Variants in AMPH observed in about 807,000 individuals in gnomAD.
AMPH encodes the protein amphiphysin (Stiff-Mann syndrome with breast cancer 128kD autoantigen).
Under a neutral mutation model 99.1 loss-of-function variants are expected in AMPH, and 49 were observed. The ratio of observed to expected loss-of-function variants is 0.49; its 90% CI spans 0.39 to 0.63. The LOEUF is 0.63. Ranked by LOEUF, AMPH falls within the 20% of genes least tolerant of loss-of-function variation. The pLI is 0.00. For missense variants in AMPH, 759 were observed against 863.4 expected (o/e 0.88, Z 1.52); for synonymous variants, 314 against 317.3 (o/e 0.99, Z 0.11).
Position 38,416,152 on chromosome 7 carries a change from T to C in AMPH, c.1398+1673A>G, listed in dbSNP as rs949248381. 2.9e-5 allele frequency among the ~76,000 whole-genome samples: 4 copies of C among 138,808 alleles called. 1 individual carries two copies. The highest frequency in any genetic ancestry group is 1.1e-4 in the African/African-American group (4 of 37,852). The allele number at this position is 138,808 out of a possible 152,430, so 91.1% of individuals were successfully genotyped here. A position where few individuals can be genotyped will look rare whatever the true frequency, so the allele number is the denominator to read the frequency against. The stretch of plus-strand genomic sequence containing the variant: ...TAGCTATTACATAGTAGGTACTTAA[T>C]AATTGGTGGCCACTAATATTGTCCA... On this transcript the variant is annotated intron_variant, in intron 17 of 20. Transcript: ENST00000356264.
At chr7:38,392,112 G>C in intron 18 of AMPH, 95 bp from the exon 19 acceptor site, 1 of 1,330,828 alleles carries the variant, frequency 7.5e-7, no homozygotes, top group Non-Finnish European at 1.0e-6. Context: ...GCCCAAAGCT[G>C]GGGCTGCCAC....
In AMPH at chr7:38,561,099, G is replaced by A. The variant is rs189334052; in HGVS notation, c.70-26088C>T. On this transcript the variant is annotated intron_variant, in intron 1 of 20. Coordinates refer to ENST00000356264, the MANE Select transcript of AMPH (RefSeq NM_001635.4). The stretch of plus-strand genomic sequence containing the variant: ...CTTAAATGTCAGTATTTGCAGGCCA[G>A]TAACCAAGACCCACAGCAGGCATGT... Among the ~76,000 whole-genome samples the A allele has an allele frequency of 5.0e-4, 76 of 152,324 alleles. 1 individual carries two copies. The East Asian group carries it at 0.014, about 27-fold the overall frequency.
chr7:38,427,500 C>G (rs1785824047), intron 14 of AMPH, among the ~76,000 whole-genome samples: 1 of 152,118 alleles, frequency 6.6e-6, no homozygotes, highest in Admixed American at 6.5e-5. Flanking sequence ...ATTTTTAGTA[C>G]CTGCATAGTA....
chr7:38,576,750 T>A (rs1792260934), intron 1 of AMPH, among the ~76,000 whole-genome samples: 1 of 152,182 alleles, frequency 6.6e-6, no homozygotes, highest in African/African-American at 2.4e-5. Flanking sequence ...CACTTAAGTC[T>A]TTACTATGTC....
intron 14 of AMPH, chr7:38,428,798 T>G: frequency 2.2e-6 from 1 of 462,174 alleles, no homozygotes; most frequent in Non-Finnish European, 4.3e-6. Flanking sequence ...TAAGTTCTTT[T>G]GCCATATCTC....
At chr7:38,428,894 A>T (rs1428495434) in intron 14 of AMPH, 1 of 755,230 alleles carries the variant, frequency 1.3e-6, no homozygotes, top group Non-Finnish European at 2.0e-6. Context: ...CTGCTCTTAG[A>T]TCTTTTCTAG....
intron 17 of AMPH, among the ~76,000 whole-genome samples, chr7:38,405,785 T>C (rs1784968960): frequency 6.6e-6 from 1 of 152,166 alleles, no homozygotes; most frequent in Non-Finnish European, 1.5e-5. Flanking sequence ...AGGACTTCAA[T>C]ACCCCACTGA....
At chr7:38,462,298 T>C (rs1489825498) in intron 10 of AMPH, among the ~76,000 whole-genome samples, 1 of 152,204 alleles carries the variant, frequency 6.6e-6, no homozygotes, top group Non-Finnish European at 1.5e-5. Context: ...TGCAATATTT[T>C]CTACTTACGA....
chr7:38,577,645 AGAG>A (rs1792296087), intron 1 of AMPH, among the ~76,000 whole-genome samples: 3 of 151,816 alleles, frequency 2.0e-5, no homozygotes, highest in Admixed American at 6.6e-5. Context: ...AGGTGGTGAG[AGAG>A]GAGAAGGGAG....
intron 5 of AMPH, among the ~76,000 whole-genome samples, chr7:38,481,258 A>T (rs1788273436): frequency 2.0e-5 from 3 of 152,144 alleles, no homozygotes; most frequent in Non-Finnish European, 4.4e-5. Context: ...GCTTTTTTTA[A>T]TGGAAAATTA....
intron 2 of AMPH, among the ~76,000 whole-genome samples, chr7:38,528,694 T>C (rs1432563350): frequency 6.6e-6 from 1 of 152,040 alleles, no homozygotes; most frequent in Non-Finnish European, 1.5e-5. Flanking sequence ...TTTCATTTTT[T>C]TCTCTATTGT....
chr7:38,433,744 A>AAAAAAAAAAAG (rs1562751901), intron 12 of AMPH, among the ~76,000 whole-genome samples: 1 of 147,502 alleles, frequency 6.8e-6, no homozygotes, highest in Admixed American at 6.7e-5. Context: ...AAAAAAAAAA[A>AAAAAAAAAAAG]AAGAATCAAA....
chr7:38,432,587 T>TACACACACACACACACACACACAC (rs10556315), intron 12 of AMPH, among the ~76,000 whole-genome samples: 1 of 148,064 alleles, frequency 6.8e-6, no homozygotes, highest in Non-Finnish European at 1.5e-5. Context: ...GTTATTTTAA[T>TACACACACACACACACACACACAC]ACACACACAC....
At chr7:38,456,022 A>G (rs1469604816) in intron 11 of AMPH, among the ~76,000 whole-genome samples, 4 of 152,150 alleles carry the variant, frequency 2.6e-5, no homozygotes, top group Admixed American at 1.3e-4. Context: ...ACACCACCTT[A>G]GAGGGGCCCC....
At position 38,615,179 on chromosome 7, in the gene AMPH, T is replaced by C. The variant is rs574656093; in HGVS notation, c.69+16104A>G. Among the ~76,000 whole-genome samples, 11 of 152,238 alleles carry C rather than the reference T, an allele frequency of 7.2e-5. 1 individual carries two copies. The highest frequency in any genetic ancestry group is 3.4e-3 in the Middle Eastern group (1 of 294). ...AACTAGCTAAGTAGTCTCAAGCAAATTGCCTAACCATTCATCTCTGTGCTT... is the reference window on the plus strand; with the variant it reads ...AACTAGCTAAGTAGTCTCAAGCAAACTGCCTAACCATTCATCTCTGTGCTT... On this transcript the variant is annotated intron_variant, in intron 1 of 20. Coordinates refer to ENST00000356264, the MANE Select transcript of AMPH (RefSeq NM_001635.4).
At position 38,436,358 on chromosome 7, in the gene AMPH, T is replaced by C; in HGVS notation, c.1048A>G (p.Thr350Ala). The change falls in exon 12 of 21, where the codon ACT becomes GCT. Residue 350 changes from threonine (T) to alanine (A), a missense_variant. By Grantham distance (58) the Thr-to-Ala change is moderately conservative. This residue lies in a region of AMPH where 554 missense variants were observed against 575.6 expected (regional missense o/e 0.96). Coordinates refer to ENST00000356264, the MANE Select transcript of AMPH (RefSeq NM_001635.4). ...GGATCAAAGTCCAGATCCAGCAAAG[T>C]CTCCTCTTTCTTCACCTCAGGGACT... ...NEVPEVKKEETLLDLDFDPFK... is the reference protein window; with the variant it reads ...NEVPEVKKEEALLDLDFDPFK... The C allele has an allele frequency of 1.2e-6, 2 of 1,614,044 alleles. No homozygotes were observed. Among genetic ancestry groups the C allele is most frequent in the Non-Finnish European group, 1.7e-6 (2 of 1,179,972 alleles).
At chr7:38,590,502 G>A (rs1223370547) in intron 1 of AMPH, among the ~76,000 whole-genome samples, 1 of 152,306 alleles carries the variant, frequency 6.6e-6, no homozygotes, top group East Asian at 1.9e-4. Context: ...CCCATACAAT[G>A]GGAGGGGACC....
chr7:38,391,444 G>A (rs1784490223), intron 19 of AMPH, among the ~76,000 whole-genome samples: 1 of 152,188 alleles, frequency 6.6e-6, no homozygotes, highest in Non-Finnish European at 1.5e-5. Flanking sequence ...TCTGAGCCAG[G>A]CTCCACAGAT....
chr7:38,466,854 A>G (rs1787676341), intron 7 of AMPH, among the ~76,000 whole-genome samples: 1 of 152,226 alleles, frequency 6.6e-6, no homozygotes, highest in Admixed American at 6.5e-5. Context: ...AAATGAAAAC[A>G]TAAGCTGCCC....
Sources: allele counts gnomAD v4.1 joint callset (sites outside exome capture counted in the v4.1 genomes callset), GRCh38; gene constraint gnomAD v4.1.1; regional missense constraint gnomAD v4.1.1; transcripts MANE v1.5; gene names NCBI Gene and HGNC (gene_info 2026-07-23, HGNC 2026-07-21).